Variants in GSE1 observed in about 807,000 individuals in gnomAD.
GSE1 encodes genetic suppressor element 1.
GSE1 carries 32 observed loss-of-function variants against 112.6 expected under a neutral mutation model. The observed-to-expected ratio is 0.28, with a 90% CI of 0.21 to 0.38. The LOEUF (loss-of-function observed/expected upper bound fraction) is 0.38, where lower values mean the gene tolerates loss of function less well. GSE1 is among the 10% of genes least tolerant of loss of function. The pLI is 1.00. For synonymous variants in GSE1, 1,115 were observed against 735.6 expected, an observed-to-expected ratio of 1.52 and a Z score of -8.35; for missense variants, 2,348 against 1,699.2, an observed-to-expected ratio of 1.38 and a Z score of -6.71.
Position 85,352,384 on chromosome 16 carries a change from A to C in GSE1, c.2284-5079A>C, listed in dbSNP as rs1305090841. ...TGCGGTCCAGGGAAATTCAGGAAAC[A>C]ATGGCATTTTCCCAGCCTGGCCAGT... On this transcript the variant is annotated intron_variant, in intron 1 of 2. Coordinates refer to the GSE1 transcript ENST00000637419. 3.3e-5 allele frequency among the ~76,000 whole-genome samples: 5 copies of C among 152,290 alleles called. No individual in the cohort carries two copies. The East Asian group carries it at 9.7e-4, about 29-fold the overall frequency.
chr16:85,239,605 C>T (rs1305019797), intron 1 of GSE1, among the ~76,000 whole-genome samples: 1 of 152,212 alleles, frequency 6.6e-6, no homozygotes, highest in Non-Finnish European at 1.5e-5. Context: ...ACCTGGGCTG[C>T]AGGAGATGAG....
chr16:85,196,877 AG>A, intron 1 of GSE1, among the ~76,000 whole-genome samples: 1 of 151,792 alleles, frequency 6.6e-6, no homozygotes. Flanking sequence ...CTGAATTTGA[AG>A]GTCACCCTGG....
intron 2 of GSE1, among the ~76,000 whole-genome samples, chr16:85,640,652 G>A (rs1361018698): frequency 6.6e-6 from 1 of 152,240 alleles, no homozygotes; most frequent in Non-Finnish European, 1.5e-5. Flanking sequence ...GCTGCCGTGG[G>A]AATGCTTCCA....
chr16:85,656,751 G>A (rs1196382366), intron 7 of GSE1, 86 bp downstream of exon 7: 43 of 1,431,580 alleles, frequency 3.0e-5, no homozygotes, highest in South Asian at 5.9e-5. Context: ...GCCGGTTGCC[G>A]TGGTGTAAAT....
At chr16:85,188,206 C>G (rs1039862684) in intron 1 of GSE1, among the ~76,000 whole-genome samples, 3 of 152,202 alleles carry the variant, frequency 2.0e-5, no homozygotes, top group African/African-American at 7.2e-5. Context: ...GGCATTCAGA[C>G]ACGTGGTCCT....
At chr16:85,462,259 C>T (rs1289420918) in intron 2 of GSE1, among the ~76,000 whole-genome samples, 2 of 152,070 alleles carry the variant, frequency 1.3e-5, no homozygotes, top group Non-Finnish European at 1.5e-5. Flanking sequence ...TCAGGGAGCT[C>T]AGAGACCCCT....
chr16:85,259,306 G>A (rs1907421448), intron 1 of GSE1, among the ~76,000 whole-genome samples: 1 of 151,214 alleles, frequency 6.6e-6, no homozygotes, highest in African/African-American at 2.4e-5. Flanking sequence ...CTCCACCCTG[G>A]CCCACCCTGT....
intron 1 of GSE1, among the ~76,000 whole-genome samples, chr16:85,255,412 C>CTTT (rs869059709): frequency 2.1e-5 from 3 of 141,114 alleles, no homozygotes; most frequent in Non-Finnish European, 3.1e-5. Flanking sequence ...TCAGTGCCTA[C>CTTT]TTTTTTTTTT....
intron 2 of GSE1, among the ~76,000 whole-genome samples, chr16:85,517,346 G>A (rs1194751447): frequency 6.6e-6 from 1 of 152,232 alleles, no homozygotes; most frequent in Non-Finnish European, 1.5e-5. Context: ...CCGTGCCACA[G>A]CTTTCTCATC....
chr16:85,324,635 A>G (rs1260723603), intron 1 of GSE1, among the ~76,000 whole-genome samples: 1 of 152,180 alleles, frequency 6.6e-6, no homozygotes, highest in Admixed American at 6.5e-5. Flanking sequence ...CTGTCAGTTG[A>G]TGAGCGGATA....
intron 1 of GSE1, among the ~76,000 whole-genome samples, chr16:85,623,998 C>T (rs994451109): frequency 4.6e-5 from 7 of 152,204 alleles, no homozygotes; most frequent in African/African-American, 1.7e-4. Flanking sequence ...TGGATCCTCT[C>T]TCCCTCCCAC....
chr16:85,611,395 C>CA, upstream of GSE1: 1 of 894,998 alleles, frequency 1.1e-6, no homozygotes, highest in Non-Finnish European at 1.3e-6. Flanking sequence ...TACCCGGGCC[C>CA]GCGCGGCCGA....
chr16:85,227,868 G>C (rs2075515866), intron 1 of GSE1, among the ~76,000 whole-genome samples: 1 of 152,254 alleles, frequency 6.6e-6, no homozygotes, highest in African/African-American at 2.4e-5. Context: ...CAGTGAACAA[G>C]AGAGGGAGGG....
At chr16:85,629,570 C>G (rs1415981128) in intron 1 of GSE1, among the ~76,000 whole-genome samples, 2 of 152,226 alleles carry the variant, frequency 1.3e-5, no homozygotes, top group Non-Finnish European at 2.9e-5. Flanking sequence ...CTGAGGTCAT[C>G]TCAGCCCTGC....
At chr16:85,609,343 C>T (rs983803179), upstream of GSE1, among the ~76,000 whole-genome samples, 10 of 152,264 alleles carry the variant, frequency 6.6e-5, no homozygotes, top group Non-Finnish European at 1.0e-4. Flanking sequence ...AAATGATCCT[C>T]CTGCCTCAGT....
rs1388350266 is a variant in GSE1, at chr16:85,617,423, G to A, written c.7+4025G>A. On this transcript the variant is annotated intron_variant, in intron 1 of 15. Coordinates refer to ENST00000253458, the MANE Select transcript of GSE1 (RefSeq NM_014615.5). The stretch of plus-strand genomic sequence containing the variant: ...TTTTGTGGGTCCTTGTGACTTGGGG[G>A]TTTCTAGGGAGGCAGGTGGAGGAAG... 6.6e-5 allele frequency among the ~76,000 whole-genome samples: 10 copies of A among 152,298 alleles called. No homozygotes were observed. In the East Asian group the frequency reaches 1.7e-3, roughly 26 times the overall value.
intron 2 of GSE1, among the ~76,000 whole-genome samples, chr16:85,440,886 G>A (rs1027930458): frequency 6.6e-6 from 1 of 152,220 alleles, no homozygotes; most frequent in African/African-American, 2.4e-5. Flanking sequence ...TCCCGAGGAC[G>A]CGGTCCCACC....
intron 1 of GSE1, among the ~76,000 whole-genome samples, chr16:85,286,258 C>A (rs546178432): frequency 6.6e-6 from 1 of 152,230 alleles, no homozygotes; most frequent in Admixed American, 6.5e-5. Flanking sequence ...TCAGGCGGGT[C>A]GGCCCACGGG....
At chr16:85,392,461 C>T (rs2047862982) in intron 2 of GSE1, among the ~76,000 whole-genome samples, 1 of 152,174 alleles carries the variant, frequency 6.6e-6, no homozygotes, top group African/African-American at 2.4e-5. Flanking sequence ...GGGTTTCTCC[C>T]TGGAGTGGTG....
Sources: gnomAD v4.1 joint callset for allele counts (sites outside exome capture counted in the v4.1 genomes callset) on GRCh38, gnomAD v4.1.1 for gene constraint, MANE v1.5 for transcripts, NCBI Gene and HGNC (gene_info 2026-07-23, HGNC 2026-07-21) for gene names.